The following PAFAH1B3 variants were observed in gnomAD, a reference collection of about 807,000 sequenced individuals.
PAFAH1B3 encodes platelet-activating factor acetylhydrolase IB subunit alpha1.
PAFAH1B3 carries 15 observed loss-of-function variants against 24.4 expected under a neutral mutation model. The ratio of observed to expected loss-of-function variants is 0.62; its 90% confidence interval spans 0.41 to 0.95. The LOEUF (loss-of-function observed/expected upper bound fraction) is 0.95. PAFAH1B3 is among the 40% of genes least tolerant of loss of function. The pLI is 0.00. For synonymous variants in PAFAH1B3, 144 were observed against 126.5 expected (o/e 1.14, Z -0.93); for missense variants, 266 against 312.2 (o/e 0.85, Z 1.12).
chr19:42,299,586 C>T (rs1599951854), intron 4 of PAFAH1B3, among the ~76,000 whole-genome samples: 1 of 152,050 alleles, frequency 6.6e-6, no homozygotes, highest in African/African-American at 2.4e-5. Flanking sequence ...CCACCACGCC[C>T]GGCTAATTTT....
chr19:42,299,951 C>T lies in PAFAH1B3; in HGVS notation c.408+19G>A. 6.2e-7 allele frequency: 1 copy of T among 1,613,412 alleles called. No homozygotes were observed. Among genetic ancestry groups the T allele is most frequent in the South Asian group, 1.1e-5 (1 of 91,020 alleles). ...CAGACCACTGCCATTCTTCCTTTCC[C>T]ACTCTCCCAGCCTCTCACCAGCACC... On this transcript the variant is annotated intron_variant, in intron 4 of 4. Coordinates refer to ENST00000262890, the MANE Select transcript of PAFAH1B3 (RefSeq NM_002573.4).
intron 4 of PAFAH1B3, 120 bp downstream of exon 4, chr19:42,299,850 G>C: frequency 7.8e-7 from 1 of 1,288,954 alleles, no homozygotes. Flanking sequence ...TCCAACGTGA[G>C]ATTCTGCCTA....
chr19:42,298,709 A>G (rs1053126682), intron 4 of PAFAH1B3, among the ~76,000 whole-genome samples: 2 of 152,188 alleles, frequency 1.3e-5, no homozygotes, highest in African/African-American at 2.4e-5. Context: ...GTGCAGTAGC[A>G]TGATCACAGC....
rs533765634 is a variant in PAFAH1B3, at chr19:42,297,819, C to T, written c.409-454G>A. 2.1e-3 allele frequency among the ~76,000 whole-genome samples: 315 copies of T among 152,164 alleles called. 1 individual carries two copies. Among genetic ancestry groups the T allele is most frequent in the Non-Finnish European group, 3.7e-3 (252 of 67,998 alleles). On this transcript the variant is annotated intron_variant, in intron 4 of 4. Transcript: ENST00000262890. ...CGATCTCCTGACTTCATGATCCGCC[C>T]GCCTCGGCCTCCCAAAGTGCTGGGA...
chr19:42,300,332 G>C, intron 2 of PAFAH1B3, 45 bp from the exon 3 acceptor site: 1 of 1,509,342 alleles, frequency 6.6e-7, no homozygotes, highest in East Asian at 2.3e-5. Context: ...AGGGGCACAA[G>C]GGCACTGTCC....
intron 2 of PAFAH1B3, among the ~76,000 whole-genome samples, chr19:42,300,890 T>C (rs1409207545): frequency 2.6e-5 from 4 of 152,060 alleles, no homozygotes; most frequent in Admixed American, 6.6e-5. Flanking sequence ...TCTCGGCTCA[T>C]TGCAATCTCT....
At position 42,302,480 on chromosome 19, in the gene PAFAH1B3, G is replaced by A; in HGVS notation, c.-171C>T. ...GATACAGGGCGCCGCCTCCTCTCCA[G>A]GGACGGAAGCCTTCACTTAGGAGGT... On this transcript the variant is annotated 5_prime_UTR_variant, in exon 1 of 5. Coordinates refer to ENST00000262890, the MANE Select transcript of PAFAH1B3 (RefSeq NM_002573.4). The A allele has an allele frequency of 1.7e-6, 1 of 599,720 alleles. No homozygotes were observed. The highest frequency in any genetic ancestry group is 2.9e-6 in the Non-Finnish European group (1 of 343,668). The allele number at this position is 599,720 out of a possible 1,614,324, so 37.1% of individuals were successfully genotyped here. A position where few individuals can be genotyped will look rare whatever the true frequency, so the allele number is the denominator to read the frequency against.
At chr19:42,297,986 G>C (rs1303643923) in intron 4 of PAFAH1B3, among the ~76,000 whole-genome samples, 3 of 152,036 alleles carry the variant, frequency 2.0e-5, no homozygotes, top group Non-Finnish European at 4.4e-5. Flanking sequence ...CTTGAGCCCA[G>C]GAGTTCGAGA....
At chr19:42,301,094 C>G (rs777380156) in intron 2 of PAFAH1B3, among the ~76,000 whole-genome samples, 1 of 152,210 alleles carries the variant, frequency 6.6e-6, no homozygotes, top group Non-Finnish European at 1.5e-5. Flanking sequence ...GGATTACAGG[C>G]GTAAGCCACC....
chr19:42,300,478 G>C (rs1227213179), intron 2 of PAFAH1B3, among the ~76,000 whole-genome samples, 191 bp from the exon 3 acceptor site: 2 of 152,172 alleles, frequency 1.3e-5, no homozygotes, highest in African/African-American at 4.8e-5. Context: ...AAATCTATTA[G>C]AGTCTCTCAC....
chr19:42,300,914 T>C (rs995639681), intron 2 of PAFAH1B3, among the ~76,000 whole-genome samples: 1 of 152,166 alleles, frequency 6.6e-6, no homozygotes, highest in South Asian at 2.1e-4. Context: ...TCCCAGGTTC[T>C]GGCGATTCTC....
rs1227446313 is a variant in PAFAH1B3, at chr19:42,302,256, C to G, written c.54G>C (p.Gln18His). ...ASKPTPVQDVQGDGRWMSLHH... is the reference protein window; with the variant it reads ...ASKPTPVQDVHGDGRWMSLHH... ...CCAGGGACATCCAGCGCCCGTCGCC[C>G]TGTACGTCCTGCACCGGCGTGGGCT... Residue 18 changes from glutamine (Q) to histidine (H), a missense_variant, in exon 1 of 5, where the codon CAG becomes CAC. Coordinates refer to ENST00000262890, the MANE Select transcript of PAFAH1B3 (RefSeq NM_002573.4). 1.1e-5 allele frequency: 17 copies of G among 1,605,216 alleles called. No homozygotes were observed. The highest frequency in any genetic ancestry group is 1.4e-5 in the Non-Finnish European group (16 of 1,176,438).
chr19:42,300,375 C>T, intron 2 of PAFAH1B3, 88 bp from the exon 3 acceptor site: 1 of 1,128,692 alleles, frequency 8.9e-7, no homozygotes, highest in Non-Finnish European at 1.3e-6. Flanking sequence ...CAGGTGTTAA[C>T]CAAATGCCAT....
At chr19:42,301,291 G>A (rs2038621944) in intron 2 of PAFAH1B3, among the ~76,000 whole-genome samples, 1 of 152,106 alleles carries the variant, frequency 6.6e-6, no homozygotes, top group South Asian at 2.1e-4. Flanking sequence ...CCAGCTACTC[G>A]GAGACTAAGG....
Position 42,297,209 on chromosome 19 carries a change from C to T in PAFAH1B3, c.565G>A (p.Asp189Asn), listed in dbSNP as rs1439771525. The change falls in exon 5 of 5, where the codon GAC becomes AAC. Residue 189 changes from aspartate to asparagine, a missense_variant. By Grantham distance (23) the Asp-to-Asn change is conservative (BLOSUM62 1). Coordinates refer to ENST00000262890, the MANE Select transcript of PAFAH1B3 (RefSeq NM_002573.4). Reference protein sequence around the residue: ...VHSDGTISHHDMYDYLHLSRL... With the variant: ...VHSDGTISHHNMYDYLHLSRL... ...CTCAGATGCAGGTAATCATACATGTCATGATGGCTGATGGTGCCATCTGAG... is the reference window on the plus strand; with the variant it reads ...CTCAGATGCAGGTAATCATACATGTTATGATGGCTGATGGTGCCATCTGAG... The T allele has an allele frequency of 1.2e-6, 2 of 1,614,132 alleles. No homozygotes were observed. The highest frequency in any genetic ancestry group is 2.2e-5 in the South Asian group (2 of 91,078).
In PAFAH1B3 at chr19:42,302,396, A is replaced by G; in HGVS notation, c.-87T>C. 3.2e-6 allele frequency: 4 copies of G among 1,242,228 alleles called. No homozygotes were observed. The South Asian group carries it at 5.5e-5, about 17-fold the overall frequency. The allele number at this position is 1,242,228 out of a possible 1,614,324, so 77.0% of individuals were successfully genotyped here. A position where few individuals can be genotyped will look rare whatever the true frequency, so the allele number is the denominator to read the frequency against. ...AGCTGGCTCCGCCACGCCCACTCCT[A>G]CCCCTCGCGGCAACAAAGGACCGTC... is the stretch of plus-strand genomic sequence containing the variant. On this transcript the variant is annotated 5_prime_UTR_variant, in exon 1 of 5. Transcript: ENST00000262890.
chr19:42,302,052 G>A lies in PAFAH1B3; in HGVS notation c.79-13C>T, dbSNP rs2038637757. ...CGAACCGATGGTGCTGCGGGAGCGC[G>A]CGAGAGGGAGTCAATGGCATGCACG... On this transcript the variant is annotated splice_polypyrimidine_tract_variant and intron_variant, in intron 1 of 4. Coordinates refer to ENST00000262890, the MANE Select transcript of PAFAH1B3 (RefSeq NM_002573.4). 1.3e-6 allele frequency: 2 copies of A among 1,560,256 alleles called. No homozygotes were observed. The highest frequency in any genetic ancestry group is 2.4e-5 in the East Asian group (1 of 41,574).
rs1052238221 is a variant in PAFAH1B3, at chr19:42,300,396, C to G, written c.169-109G>C. 2.2e-5 allele frequency: 20 copies of G among 921,662 alleles called. No individual in the cohort carries two copies. In the South Asian group the frequency reaches 2.6e-4, roughly 12 times the overall value. 57.1% of individuals were successfully genotyped at this position (921,662 alleles called of 1,614,324 possible). A position where few individuals can be genotyped will look rare whatever the true frequency, so the allele number is the denominator to read the frequency against. On this transcript the variant is annotated intron_variant, in intron 2 of 4. Transcript: ENST00000262890. ...TTAACCAAATGCCATTATGGAAGAA[C>G]CTTACTTCATGGAAGCAGTCTTAAA...
At chr19:42,299,821 T>C in intron 4 of PAFAH1B3, 149 bp downstream of exon 4, 1 of 1,007,702 alleles carries the variant, frequency 9.9e-7, no homozygotes, top group Non-Finnish European at 1.5e-6. Context: ...CCACAGCCAC[T>C]CTGAAGGGTA....
Sources: gnomAD v4.1 joint callset for allele counts (sites outside exome capture counted in the v4.1 genomes callset) on GRCh38, gnomAD v4.1.1 for gene constraint, MANE v1.5 for transcripts, NCBI Gene and HGNC (gene_info 2026-07-23, HGNC 2026-07-21) for gene names.